SCAPER: variants seen among roughly 807,000 people sequenced by gnomAD.
The protein encoded by SCAPER is S phase cyclin A-associated protein in the endoplasmic reticulum.
A neutral mutation model predicts 182.2 loss-of-function variants in SCAPER; 98 were observed. That is an observed-to-expected ratio of 0.54 (90% CI 0.46 to 0.64). The LOEUF is 0.64. SCAPER is among the 30% of genes least tolerant of loss of function. The pLI, the probability that SCAPER is intolerant of heterozygous loss-of-function variation, is 0.00. For synonymous variants in SCAPER, 605 were observed against 564.6 expected (o/e 1.07, Z -1.01); for missense variants, 1,432 against 1,690.0 (o/e 0.85, Z 2.68).
At chr15:76,457,224 A>G (rs939769604) in intron 25 of SCAPER, among the ~76,000 whole-genome samples, 1 of 151,238 alleles carries the variant, frequency 6.6e-6, no homozygotes, top group African/African-American at 2.4e-5. Context: ...CACCATGCCC[A>G]GCTAATTTTT....
chr15:76,559,207 T>A (rs112761061), intron 23 of SCAPER, among the ~76,000 whole-genome samples: 57,604 of 141,364 alleles, frequency 0.41, 12,985 homozygotes, highest in Middle Eastern at 0.55. Flanking sequence ...GCTAATTTTT[T>A]TTTTTTTTTT....
At chr15:76,719,738 C>T (rs2060095245) in intron 17 of SCAPER, among the ~76,000 whole-genome samples, 1 of 151,776 alleles carries the variant, frequency 6.6e-6, no homozygotes, top group African/African-American at 2.4e-5. Flanking sequence ...TTGTGGAACC[C>T]ATTCCTTATA....
At chr15:76,699,397 G>T (rs926847676) in intron 20 of SCAPER, among the ~76,000 whole-genome samples, 1 of 152,072 alleles carries the variant, frequency 6.6e-6, no homozygotes, top group Non-Finnish European at 1.5e-5. Flanking sequence ...TTGGCTGTGG[G>T]GTTGTCATAG....
chr15:76,735,977 G>T (rs1215188954), intron 15 of SCAPER, among the ~76,000 whole-genome samples: 1 of 152,086 alleles, frequency 6.6e-6, no homozygotes, highest in Non-Finnish European at 1.5e-5. Flanking sequence ...ATCAACCATA[G>T]ATAAAAAATG....
intron 24 of SCAPER, among the ~76,000 whole-genome samples, chr15:76,503,840 G>C (rs1189610493): frequency 6.6e-6 from 1 of 151,570 alleles, no homozygotes; most frequent in Non-Finnish European, 1.5e-5. Context: ...ACATACTCTT[G>C]GAATTTTTTT....
chr15:76,376,393 G>A (rs537564693), intron 28 of SCAPER, 82 bp from the exon 29 acceptor site: 29 of 1,414,784 alleles, frequency 2.0e-5, no homozygotes, highest in Admixed American at 5.1e-5. Context: ...CTGGCCCTGT[G>A]TACTTTCTGC....
intron 25 of SCAPER, among the ~76,000 whole-genome samples, chr15:76,443,213 T>C (rs1379729162): frequency 6.6e-6 from 1 of 152,098 alleles, no homozygotes; most frequent in Admixed American, 6.5e-5. Flanking sequence ...TTGTGAAAAA[T>C]GTGTATTTTG....
In SCAPER at chr15:76,626,608, T is replaced by G. The variant is rs115450200; in HGVS notation, c.2646-4779A>C. Among the ~76,000 whole-genome samples, 1,379 of 152,260 alleles carry G rather than the reference T, an allele frequency of 9.1e-3. 22 individuals are homozygous for G. The highest frequency in any genetic ancestry group is 0.032 in the African/African-American group (1,339 of 41,540). On this transcript the variant is annotated intron_variant, in intron 21 of 31. Coordinates refer to ENST00000563290, the MANE Select transcript of SCAPER (RefSeq NM_020843.4). ...GGCGCACGCCTGTAATCCCAGCTAA[T>G]TAGGTGGCTGAAGCATGAGAATCGC...
intron 2 of SCAPER, among the ~76,000 whole-genome samples, chr15:76,880,902 A>T (rs2073490812): frequency 6.6e-6 from 1 of 152,150 alleles, no homozygotes; most frequent in Non-Finnish European, 1.5e-5. Flanking sequence ...AACAGAAAAT[A>T]AAAAATGTTG....
chr15:76,659,734 C>T (rs1408780358), intron 21 of SCAPER, among the ~76,000 whole-genome samples: 2 of 151,668 alleles, frequency 1.3e-5, no homozygotes, highest in Non-Finnish European at 2.9e-5. Flanking sequence ...TAAATGCTGG[C>T]GAGGCTGTGG....
chr15:76,747,807 T>C (rs539430448), intron 15 of SCAPER, among the ~76,000 whole-genome samples: 3 of 152,110 alleles, frequency 2.0e-5, no homozygotes, highest in South Asian at 2.1e-4. Context: ...TCACCAAAAG[T>C]AGATGATGGT....
intron 4 of SCAPER, among the ~76,000 whole-genome samples, chr15:76,845,002 A>G (rs1464832536): frequency 6.6e-6 from 1 of 152,158 alleles, no homozygotes; most frequent in Admixed American, 6.5e-5. Flanking sequence ...AACATTTTCA[A>G]CATTACATTA....
chr15:76,671,134 G>C (rs1209221032), intron 20 of SCAPER, among the ~76,000 whole-genome samples: 1 of 151,642 alleles, frequency 6.6e-6, no homozygotes, highest in Non-Finnish European at 1.5e-5. Context: ...GAGCCCAGGA[G>C]TTCGAGATCA....
At position 76,434,164 on chromosome 15, in the gene SCAPER, T is replaced by C; in HGVS notation, c.3225A>G (p.Pro1075=). The change falls in exon 26 of 32, where the codon CCA becomes CCG. Residue 1075 remains proline, a synonymous_variant. Coordinates refer to ENST00000563290, the MANE Select transcript of SCAPER (RefSeq NM_020843.4). ...CCTGTGTTGGTATTTTTGGGGTAGCTGGCTGGCAGTTTCCATCTGGTCGAT... is the reference window on the plus strand; with the variant it reads ...CCTGTGTTGGTATTTTTGGGGTAGCCGGCTGGCAGTTTCCATCTGGTCGAT... ...IANRPDGNCQ[P]ATPKIPTQEM... 1 of 1,614,040 alleles carries C rather than the reference T, an allele frequency of 6.2e-7. No homozygotes were observed. The highest frequency in any genetic ancestry group is 8.5e-7 in the Non-Finnish European group (1 of 1,179,896).
At chr15:76,820,387 C>T (rs948870996) in intron 5 of SCAPER, among the ~76,000 whole-genome samples, 3 of 152,124 alleles carry the variant, frequency 2.0e-5, no homozygotes, top group Non-Finnish European at 4.4e-5. Flanking sequence ...GGCACATATA[C>T]ACCATGGAAT....
chr15:76,629,907 G>A (rs1026295674), intron 21 of SCAPER, among the ~76,000 whole-genome samples: 1 of 152,082 alleles, frequency 6.6e-6, no homozygotes, highest in Non-Finnish European at 1.5e-5. Context: ...CTTTTGGTTG[G>A]TAGGCTATTT....
At chr15:76,728,889 A>G (rs1027847904) in intron 16 of SCAPER, among the ~76,000 whole-genome samples, 152 bp from the exon 17 acceptor site, 2 of 152,226 alleles carry the variant, frequency 1.3e-5, no homozygotes, top group African/African-American at 4.8e-5. Flanking sequence ...TTTAAACAAA[A>G]ATCAAATAGC....
At chr15:76,827,982 T>A (rs911324360) in intron 5 of SCAPER, among the ~76,000 whole-genome samples, 2 of 152,080 alleles carry the variant, frequency 1.3e-5, no homozygotes, top group African/African-American at 4.8e-5. Flanking sequence ...TCTGCTCTCA[T>A]GAAAGGTTTA....
intron 24 of SCAPER, among the ~76,000 whole-genome samples, chr15:76,500,948 C>A (rs1288010806): frequency 6.6e-6 from 1 of 151,484 alleles, no homozygotes; most frequent in African/African-American, 2.4e-5. Context: ...GAGGCTGAGG[C>A]ACGTGAATCG....
Sources: allele counts gnomAD v4.1 joint callset (sites outside exome capture counted in the v4.1 genomes callset), GRCh38; gene constraint gnomAD v4.1.1; transcripts MANE v1.5; gene names NCBI Gene and HGNC (gene_info 2026-07-23, HGNC 2026-07-21).